The following PTPRD variants were observed in gnomAD, a reference collection of about 807,000 sequenced individuals.
PTPRD encodes the protein protein tyrosine phosphatase receptor type D.
In PTPRD, 34 loss-of-function variants were observed where a neutral mutation model predicts 214.5. The observed-to-expected ratio is 0.16, with a 90% confidence interval of 0.12 to 0.21. The LOEUF (loss-of-function observed/expected upper bound fraction) is 0.21, where lower values mean the gene tolerates loss of function less well. Among genes scored for constraint, PTPRD ranks in the 10% least tolerant of loss-of-function variants. The pLI is 1.00. For missense variants in PTPRD, 2,545 were observed against 2,398.7 expected (o/e 1.06, Z -1.27); for synonymous variants, 1,128 against 845.7 (o/e 1.33, Z -5.79).
rs185472045 is a variant in PTPRD at position 9,352,432 on chromosome 9, A to G, written c.-203+45017T>C. On this transcript the variant is annotated intron_variant, in intron 9 of 45. Transcript: ENST00000381196. Reference sequence around the variant, plus strand: ...CTGTTATGTTTTCCCAATAATCAATATTTAATATCTAAGGCAAATTTATTT... The same window carrying G: ...CTGTTATGTTTTCCCAATAATCAATGTTTAATATCTAAGGCAAATTTATTT... Among the ~76,000 whole-genome samples the G allele has an allele frequency of 2.2e-4, 33 of 151,420 alleles. 1 individual carries two copies. Among genetic ancestry groups the G allele is most frequent in the Admixed American group, 2.1e-3 (32 of 15,058 alleles).
At position 10,210,209 on chromosome 9, in the gene PTPRD, T is replaced by C. The variant is rs115340863; in HGVS notation, c.-545+130754A>G. 6.1e-3 allele frequency among the ~76,000 whole-genome samples: 927 copies of C among 152,258 alleles called. 13 individuals carry two copies. The highest frequency in any genetic ancestry group is 0.021 in the African/African-American group (886 of 41,542). ...AAAGTACCATGTGCAACTTACATTA[T>C]TGAGATTCACCAATTACATTTAAGA... On this transcript the variant is annotated intron_variant, in intron 3 of 45. Transcript: ENST00000381196.
chr9:10,266,953 G>T (rs1302634953), intron 3 of PTPRD, among the ~76,000 whole-genome samples: 3 of 151,992 alleles, frequency 2.0e-5, no homozygotes, highest in Admixed American at 6.6e-5. Context: ...CACTTTGGGA[G>T]GCCGAGGCGG....
At chr9:8,797,825 A>G (rs1442270519) in intron 11 of PTPRD, among the ~76,000 whole-genome samples, 2 of 151,788 alleles carry the variant, frequency 1.3e-5, no homozygotes, top group African/African-American at 2.4e-5. Flanking sequence ...TATTCACTTT[A>G]GTGTCTAGAA....
chr9:8,449,704 T>A (rs763742898), intron 34 of PTPRD, 21 bp downstream of exon 34: 18 of 1,601,790 alleles, frequency 1.1e-5, no homozygotes, highest in Non-Finnish European at 1.5e-5. Flanking sequence ...GTGTGTGGAT[T>A]AGATGTGTGA....
chr9:10,368,839 G>A (rs2097560967), intron 2 of PTPRD, among the ~76,000 whole-genome samples: 1 of 152,030 alleles, frequency 6.6e-6, no homozygotes, highest in Admixed American at 6.6e-5. Context: ...CTGATTCATA[G>A]AAGGACCTTT....
At chr9:9,747,436 T>A (rs1377534304) in intron 6 of PTPRD, among the ~76,000 whole-genome samples, 1 of 152,048 alleles carries the variant, frequency 6.6e-6, no homozygotes, top group Admixed American at 6.5e-5. Context: ...CAAGACAGAA[T>A]CCACATTCGT....
At chr9:10,244,970 C>A (rs548619485) in intron 3 of PTPRD, among the ~76,000 whole-genome samples, 92 of 152,068 alleles carry the variant, frequency 6.0e-4, no homozygotes, top group Non-Finnish European at 1.1e-3. Flanking sequence ...TCTCATTTTC[C>A]CATTTCTTAA....
chr9:9,134,774 T>C (rs1374486232), intron 10 of PTPRD, among the ~76,000 whole-genome samples: 1 of 152,098 alleles, frequency 6.6e-6, no homozygotes, highest in Admixed American at 6.6e-5. Context: ...ACCAAGAGAC[T>C]GTATCATCCT....
chr9:8,523,560 G>A (rs200985486), intron 18 of PTPRD, 36 bp from the exon 19 acceptor site: 1 of 1,611,084 alleles, frequency 6.2e-7, no homozygotes, highest in Non-Finnish European at 8.5e-7. Context: ...AGAACACAAT[G>A]AAATGAGGAA....
intron 11 of PTPRD, among the ~76,000 whole-genome samples, chr9:8,979,636 T>C (rs2154339316): frequency 6.6e-6 from 1 of 152,110 alleles, no homozygotes; most frequent in African/African-American, 2.4e-5. Context: ...ATATGAAAAG[T>C]TGCTCAACAT....
At chr9:10,554,290 T>C (rs2061985257) in intron 2 of PTPRD, among the ~76,000 whole-genome samples, 1 of 152,210 alleles carries the variant, frequency 6.6e-6, no homozygotes, top group Admixed American at 6.6e-5. Context: ...AGTCATTCAA[T>C]AATCTCATGG....
chr9:8,768,259 C>T (rs1448472168), intron 11 of PTPRD, among the ~76,000 whole-genome samples: 7 of 152,092 alleles, frequency 4.6e-5, no homozygotes, highest in Non-Finnish European at 1.0e-4. Flanking sequence ...TAAAATAACA[C>T]TGGGTATAAT....
intron 8 of PTPRD, among the ~76,000 whole-genome samples, chr9:9,501,191 C>A: frequency 6.6e-6 from 1 of 151,634 alleles, no homozygotes; most frequent in East Asian, 1.9e-4. Flanking sequence ...ATTAAATATT[C>A]CTATTAAAAG....
chr9:8,719,833 G>T (rs2098473422), intron 12 of PTPRD, among the ~76,000 whole-genome samples: 1 of 150,728 alleles, frequency 6.6e-6, no homozygotes, highest in Non-Finnish European at 1.5e-5. Context: ...GTATATCAAT[G>T]TGTTCATTTA....
chr9:9,701,275 C>G (rs912905741), intron 7 of PTPRD, among the ~76,000 whole-genome samples: 2 of 152,060 alleles, frequency 1.3e-5, no homozygotes, highest in African/African-American at 4.8e-5. Flanking sequence ...GTAGTTATAT[C>G]TCATATACAA....
chr9:9,131,955 G>A (rs2099843390), intron 10 of PTPRD, among the ~76,000 whole-genome samples: 1 of 151,940 alleles, frequency 6.6e-6, no homozygotes, highest in Non-Finnish European at 1.5e-5. Flanking sequence ...CATTTGAGGG[G>A]GAATTGTTTA....
At chr9:10,171,636 T>C (rs947156676) in intron 3 of PTPRD, among the ~76,000 whole-genome samples, 1 of 152,264 alleles carries the variant, frequency 6.6e-6, no homozygotes, top group South Asian at 2.1e-4. Flanking sequence ...GCCATTCTCC[T>C]GCCTCAGCCT....
chr9:9,310,268 G>A (rs935115608), intron 9 of PTPRD, among the ~76,000 whole-genome samples: 3 of 152,130 alleles, frequency 2.0e-5, no homozygotes, highest in African/African-American at 7.2e-5. Flanking sequence ...ATGTGCCATA[G>A]TGGGGGCAGG....
chr9:8,818,694 GCTT>G (rs2096975250), intron 11 of PTPRD, among the ~76,000 whole-genome samples: 1 of 152,170 alleles, frequency 6.6e-6, no homozygotes, highest in Non-Finnish European at 1.5e-5. Context: ...ACTTAGATGT[GCTT>G]CTTACAAGAG....
Sources: allele counts gnomAD v4.1 joint callset (sites outside exome capture counted in the v4.1 genomes callset), GRCh38; gene constraint gnomAD v4.1.1; transcripts MANE v1.5; gene names NCBI Gene and HGNC (gene_info 2026-07-23, HGNC 2026-07-21).